KCNIP4: variants seen among roughly 807,000 people sequenced by gnomAD.
KCNIP4 encodes the protein potassium voltage-gated channel interacting protein 4, also known as Kv channel-interacting protein 4.
In KCNIP4, 12 loss-of-function variants were observed where a neutral mutation model predicts 34.0. That is an observed-to-expected ratio of 0.35 (90% CI 0.23 to 0.57). The LOEUF is 0.57. Ranked by LOEUF, KCNIP4 falls within the 20% of genes least tolerant of loss-of-function variation. KCNIP4 has a pLI of 0.83. For missense variants in KCNIP4, 238 were observed against 311.7 expected (o/e 0.76, Z 1.78); for synonymous variants, 124 against 102.2 (o/e 1.21, Z -1.29).
intron 1 of KCNIP4, among the ~76,000 whole-genome samples, chr4:21,514,625 G>A (rs182601280): frequency 1.3e-5 from 2 of 152,056 alleles, no homozygotes; most frequent in Non-Finnish European, 1.5e-5. Flanking sequence ...ACACAGGGTC[G>A]TTGGAGGGTT....
intron 1 of KCNIP4, among the ~76,000 whole-genome samples, chr4:21,035,698 T>C (rs1452244459): frequency 6.6e-6 from 1 of 152,192 alleles, no homozygotes; most frequent in Non-Finnish European, 1.5e-5. Context: ...AATGTACGAT[T>C]GTAGTGGGTA....
intron 1 of KCNIP4, among the ~76,000 whole-genome samples, chr4:21,062,802 G>C (rs1347005757): frequency 6.6e-6 from 1 of 152,098 alleles, no homozygotes; most frequent in Admixed American, 6.6e-5. Flanking sequence ...CCCTTTACTT[G>C]AGGGAGGGTC....
intron 1 of KCNIP4, among the ~76,000 whole-genome samples, chr4:21,332,927 C>A (rs1236160955): frequency 6.6e-6 from 1 of 152,014 alleles, no homozygotes; most frequent in Non-Finnish European, 1.5e-5. Context: ...ATTGTTCTTA[C>A]AATGTTTCAG....
intron 1 of KCNIP4, among the ~76,000 whole-genome samples, chr4:21,504,610 G>A (rs1733679053): frequency 6.6e-6 from 1 of 152,130 alleles, no homozygotes; most frequent in Admixed American, 6.6e-5. Context: ...ATCTAAGTTA[G>A]GGGCCTTTCT....
intron 1 of KCNIP4, among the ~76,000 whole-genome samples, chr4:20,939,397 G>T (rs1220129901): frequency 6.6e-6 from 1 of 151,632 alleles, no homozygotes; most frequent in Non-Finnish European, 1.5e-5. Context: ...TTTATTTTTT[G>T]AGATGGAGTC....
At position 21,757,194 on chromosome 4, in the gene KCNIP4, GGAAGGAAAGAAAGAAA is replaced by G. The variant is rs1402983457; in HGVS notation, c.61+191361_61+191376del. 2.2e-3 allele frequency among the ~76,000 whole-genome samples: 88 copies of G among 39,452 alleles called. 2 individuals are homozygous for G. The highest frequency in any genetic ancestry group is 0.012 in the East Asian group (22 of 1,850). 25.9% of individuals were successfully genotyped at this position (39,452 alleles called of 152,430 possible). A position where few individuals can be genotyped will look rare whatever the true frequency, so the allele number is the denominator to read the frequency against. ...AGGAAGGAAGGAAGGAAGGAAGGAA[GGAAGGAAAGAAAGAAA>G]GAAAGAAAGAAAGAAAGAAAGAAAG... On this transcript the variant is annotated intron_variant, in intron 1 of 8. Transcript: ENST00000382152.
chr4:21,552,694 C>G (rs924612283), intron 1 of KCNIP4, among the ~76,000 whole-genome samples: 1 of 152,108 alleles, frequency 6.6e-6, no homozygotes, highest in Admixed American at 6.6e-5. Context: ...GTACTTGTCA[C>G]AGCAAAGCAT....
chr4:21,033,835 T>C (rs77408002), intron 1 of KCNIP4, among the ~76,000 whole-genome samples: 7,880 of 152,262 alleles, frequency 0.052, 283 homozygotes, highest in Middle Eastern at 0.13. Context: ...AACTTTATAG[T>C]AATAAGCAAG....
intron 1 of KCNIP4, among the ~76,000 whole-genome samples, chr4:20,963,177 A>G (rs371792445): frequency 6.6e-6 from 1 of 151,664 alleles, no homozygotes; most frequent in Non-Finnish European, 1.5e-5. Context: ...AAAAAAAAAA[A>G]TGAGCTGGGC....
chr4:21,279,191 C>A (rs530234576), intron 1 of KCNIP4, among the ~76,000 whole-genome samples: 5 of 152,082 alleles, frequency 3.3e-5, no homozygotes, highest in African/African-American at 4.8e-5. Flanking sequence ...TTTGCATCAA[C>A]GTAATGGTAG....
At chr4:21,789,701 A>C (rs986291325) in intron 1 of KCNIP4, among the ~76,000 whole-genome samples, 1 of 152,232 alleles carries the variant, frequency 6.6e-6, no homozygotes, top group African/African-American at 2.4e-5. Flanking sequence ...CAGCATAAAC[A>C]AAAGATTTAA....
intron 1 of KCNIP4, among the ~76,000 whole-genome samples, chr4:21,798,489 T>C (rs1003755340): frequency 1.5e-4 from 17 of 117,054 alleles, no homozygotes; most frequent in African/African-American, 5.3e-4. Context: ...CACTCCAGCC[T>C]GGGTGAGAAA....
intron 1 of KCNIP4, among the ~76,000 whole-genome samples, chr4:21,228,952 G>C (rs903149267): frequency 2.6e-5 from 4 of 152,036 alleles, no homozygotes; most frequent in Non-Finnish European, 4.4e-5. Flanking sequence ...TTACACTCCT[G>C]GAATGTCTGT....
chr4:21,528,439 C>A (rs953750891), intron 1 of KCNIP4, among the ~76,000 whole-genome samples: 2 of 151,866 alleles, frequency 1.3e-5, no homozygotes, highest in South Asian at 2.1e-4. Context: ...GAGGCCGATG[C>A]GGGTGTATCA....
intron 1 of KCNIP4, among the ~76,000 whole-genome samples, chr4:21,211,386 C>T (rs1757210452): frequency 6.6e-6 from 1 of 152,138 alleles, no homozygotes; most frequent in Non-Finnish European, 1.5e-5. Context: ...GTGAGCATTA[C>T]TGCCTGAGCT....
At chr4:21,941,554 A>G (rs999834631) in intron 1 of KCNIP4, among the ~76,000 whole-genome samples, 18 of 152,098 alleles carry the variant, frequency 1.2e-4, no homozygotes, top group African/African-American at 3.9e-4. Context: ...ATGTTGTCTG[A>G]ATACAAAAGG....
chr4:21,551,865 C>A (rs539122647), intron 1 of KCNIP4, among the ~76,000 whole-genome samples: 2 of 151,710 alleles, frequency 1.3e-5, no homozygotes, highest in Non-Finnish European at 2.9e-5. Flanking sequence ...TGTATTATTG[C>A]GAGAAAGGAT....
chr4:21,235,807 A>C (rs1358925164), intron 1 of KCNIP4, among the ~76,000 whole-genome samples: 1 of 152,172 alleles, frequency 6.6e-6, no homozygotes, highest in Non-Finnish European at 1.5e-5. Flanking sequence ...CTGGCTATGG[A>C]AAGTGCTTAC....
In KCNIP4 at chr4:20,739,936, A is replaced by C. The variant is rs189996209; in HGVS notation, c.430-5201T>G. 4.2e-3 allele frequency among the ~76,000 whole-genome samples: 641 copies of C among 152,286 alleles called. 7 individuals are homozygous for C. The highest frequency in any genetic ancestry group is 0.012 in the Admixed American group (177 of 15,296). ...AGCTGAAAACCATGGCACAAGAACT[A>C]TCTGATGCATTCACAAGCTTCAGTA... is the stretch of plus-strand genomic sequence containing the variant. On this transcript the variant is annotated intron_variant, in intron 5 of 8. Transcript: ENST00000382152.
Sources: gnomAD v4.1 joint callset for allele counts (sites outside exome capture counted in the v4.1 genomes callset) on GRCh38, gnomAD v4.1.1 for gene constraint, MANE v1.5 for transcripts, NCBI Gene and HGNC (gene_info 2026-07-23, HGNC 2026-07-21) for gene names.